Variants in GALNT16 observed in about 807,000 individuals in gnomAD.
The protein encoded by GALNT16 is polypeptide N-acetylgalactosaminyltransferase 16, also known as UDP-GalNAc:polypeptide N-acetylgalactosaminyltransferase-like protein 1.
A neutral mutation model predicts 76.1 loss-of-function variants in GALNT16; 40 were observed. The ratio of observed to expected loss-of-function variants is 0.53; its 90% CI spans 0.41 to 0.68. The LOEUF is 0.68. Among genes scored for constraint, GALNT16 ranks in the 30% least tolerant of loss-of-function variants. The pLI, the probability that GALNT16 is intolerant of heterozygous loss-of-function variation, is 0.00. For missense variants in GALNT16, 621 were observed against 731.9 expected (o/e 0.85, Z 1.75); for synonymous variants, 276 against 285.2 (o/e 0.97, Z 0.32).
intron 4 of GALNT16, 146 bp from the exon 5 acceptor site, chr14:69,325,816 G>A (rs184736034): frequency 3.2e-5 from 22 of 677,674 alleles, no homozygotes; most frequent in African/African-American, 1.4e-4. Context: ...GCAACCCTTC[G>A]GCCAGTAGTG....
chr14:69,340,705 C>T (rs1453991849), intron 11 of GALNT16, among the ~76,000 whole-genome samples: 1 of 152,080 alleles, frequency 6.6e-6, no homozygotes. Context: ...AGGCTGGTCT[C>T]GAACTCCTGA....
At chr14:69,296,797 A>AGAT (rs755454346) in intron 1 of GALNT16, among the ~76,000 whole-genome samples, 3,028 of 118,764 alleles carry the variant, frequency 0.025, 41 homozygotes, top group Middle Eastern at 0.03. Flanking sequence ...ATAGACAGAC[A>AGAT]GATAGAGCTA....
intron 1 of GALNT16, among the ~76,000 whole-genome samples, chr14:69,291,649 T>G (rs1055498666): frequency 6.6e-6 from 1 of 152,180 alleles, no homozygotes; most frequent in Non-Finnish European, 1.5e-5. Context: ...GGGAGTGGGA[T>G]GGGGAAAGAC....
intron 1 of GALNT16, 58 bp downstream of exon 1, chr14:69,260,525 C>G: frequency 1.7e-6 from 2 of 1,203,922 alleles, no homozygotes; most frequent in Non-Finnish European, 1.0e-6. Flanking sequence ...GCGTCCAGAC[C>G]CTGCGCGGCG....
At chr14:69,317,405 G>C (rs2045118009) in intron 1 of GALNT16, among the ~76,000 whole-genome samples, 1 of 152,260 alleles carries the variant, frequency 6.6e-6, no homozygotes. Flanking sequence ...TGAGCTTGGG[G>C]TTGGCGGTTT....
At position 69,316,597 on chromosome 14, in the gene GALNT16, G is replaced by A. The variant is rs150248209; in HGVS notation, c.178-4114G>A. On this transcript the variant is annotated intron_variant, in intron 1 of 14. Transcript: ENST00000448469. ...TCACAGAGGAGGTGAGGTTTGAGCA[G>A]CGTCCTGCAGGAGGTTTGAGCAGGG... 6.9e-4 allele frequency among the ~76,000 whole-genome samples: 105 copies of A among 152,322 alleles called. 3 individuals are homozygous for A. In the East Asian group the frequency reaches 0.017, roughly 25 times the overall value.
chr14:69,340,706 G>A (rs894651130), intron 11 of GALNT16, among the ~76,000 whole-genome samples: 1 of 152,062 alleles, frequency 6.6e-6, no homozygotes, highest in Non-Finnish European at 1.5e-5. Flanking sequence ...GGCTGGTCTC[G>A]AACTCCTGAT....
intron 1 of GALNT16, among the ~76,000 whole-genome samples, chr14:69,315,036 T>G (rs1043656944): frequency 6.6e-5 from 10 of 152,174 alleles, no homozygotes; most frequent in African/African-American, 2.2e-4. Context: ...TTACAAGGCT[T>G]GGAGATTTGG....
rs1298085315 is a variant in GALNT16, at chr14:69,352,868, C to T, written c.*700C>T. Among the ~76,000 whole-genome samples the T allele has an allele frequency of 1.3e-5, 2 of 152,198 alleles. No individual in the cohort carries two copies. Among genetic ancestry groups the T allele is most frequent in the African/African-American group, 4.8e-5 (2 of 41,442 alleles). On this transcript the variant is annotated 3_prime_UTR_variant, in exon 15 of 15. Transcript: ENST00000448469. ...ACAGTCCCTTCCACACTTTACCAGC[C>T]CCAGGGTCTGAGCCCGACGCTGCCT...
intron 1 of GALNT16, among the ~76,000 whole-genome samples, chr14:69,311,334 T>G (rs1426995969): frequency 2.6e-5 from 4 of 152,212 alleles, no homozygotes; most frequent in Non-Finnish European, 5.9e-5. Flanking sequence ...ATAAAGGCAT[T>G]AATCCATTCA....
downstream of GALNT16, chr14:69,358,636 T>C (rs2045706699): frequency 6.5e-6 from 1 of 152,722 alleles, no homozygotes; most frequent in Admixed American, 6.5e-5. Flanking sequence ...GTGAGCTGGC[T>C]TTGGCAGTGC....
At chr14:69,305,827 C>T (rs1474953093) in intron 1 of GALNT16, among the ~76,000 whole-genome samples, 1 of 152,016 alleles carries the variant, frequency 6.6e-6, no homozygotes, top group Admixed American at 6.6e-5. Flanking sequence ...ATGTCATGTC[C>T]ACGAAATCAT....
intron 1 of GALNT16, among the ~76,000 whole-genome samples, chr14:69,312,937 T>C (rs2045048963): frequency 6.6e-6 from 1 of 152,186 alleles, no homozygotes; most frequent in Admixed American, 6.5e-5. Context: ...CAGAGAAAGC[T>C]TTGTGCTTAG....
chr14:69,321,960 C>T (rs1376554981), intron 2 of GALNT16, among the ~76,000 whole-genome samples: 1 of 152,246 alleles, frequency 6.6e-6, no homozygotes, highest in Non-Finnish European at 1.5e-5. Flanking sequence ...ACTTCTGAAG[C>T]AGCTACTCCA....
chr14:69,296,784 G>GAT (rs1566869341), intron 1 of GALNT16, among the ~76,000 whole-genome samples: 14 of 128,218 alleles, frequency 1.1e-4, no homozygotes, highest in African/African-American at 2.1e-4. Context: ...ATAGATGATA[G>GAT]AGATAGACAG....
chr14:69,386,127 C>T, the GALNT16 span, among the ~76,000 whole-genome samples: 1 of 152,134 alleles, frequency 6.6e-6, no homozygotes, highest in African/African-American at 2.4e-5. Flanking sequence ...AACCGGAACA[C>T]AATGAAGAGG....
At chr14:69,345,741 T>C (rs1464612669) in intron 12 of GALNT16, among the ~76,000 whole-genome samples, 1 of 151,996 alleles carries the variant, frequency 6.6e-6, no homozygotes, top group Admixed American at 6.6e-5. Context: ...TGTGTGTCTG[T>C]ATGTGTGTAT....
At chr14:69,293,216 T>C (rs1049498216) in intron 1 of GALNT16, among the ~76,000 whole-genome samples, 8 of 152,210 alleles carry the variant, frequency 5.3e-5, no homozygotes, top group African/African-American at 1.7e-4. Flanking sequence ...AGCCTGGGCC[T>C]TAAACCTCAG....
chr14:69,324,695 C>T lies in GALNT16; in HGVS notation c.339C>T (p.Cys113=). ...GACCTCTGTGCTCCCTTCTCAGCTG[C>T]CCATCTGTGTCCTACTCCTCGGACC... ...RPIRDTRHYS[C]PSVSYSSDLP... The change falls in exon 3 of 15, where the codon TGC becomes TGT. Residue 113 remains cysteine (C), a synonymous_variant. Coordinates refer to ENST00000448469, the MANE Select transcript of GALNT16 (RefSeq NM_001168368.2). 4 of 1,601,362 alleles carry T rather than the reference C, an allele frequency of 2.5e-6. No homozygotes were observed. The highest frequency in any genetic ancestry group is 1.1e-5 in the South Asian group (1 of 89,862).
Sources: gnomAD v4.1 joint callset for allele counts (sites outside exome capture counted in the v4.1 genomes callset) on GRCh38, gnomAD v4.1.1 for gene constraint, MANE v1.5 for transcripts, NCBI Gene and HGNC (gene_info 2026-07-23, HGNC 2026-07-21) for gene names.